ROR1: variants seen among roughly 807,000 people sequenced by gnomAD.
ROR1 encodes the protein inactive tyrosine-protein kinase transmembrane receptor ROR1.
ROR1 carries 19 observed loss-of-function variants against 78.8 expected under a neutral mutation model. That is an observed-to-expected ratio of 0.24 (90% CI 0.17 to 0.35). The LOEUF is 0.35. Among genes scored for constraint, ROR1 ranks in the 10% least tolerant of loss-of-function variants. The pLI, the probability that ROR1 is intolerant of heterozygous loss-of-function variation, is 1.00. For missense variants in ROR1, 917 were observed against 1,177.8 expected, an observed-to-expected ratio of 0.78 and a Z score of 3.24; for synonymous variants, 386 against 433.6, an observed-to-expected ratio of 0.89 and a Z score of 1.36.
chr1:64,063,215 G>A (rs1646930554), intron 4 of ROR1, among the ~76,000 whole-genome samples: 1 of 152,200 alleles, frequency 6.6e-6, no homozygotes, highest in African/African-American at 2.4e-5. Flanking sequence ...TGGAAAAAAA[G>A]TGTTATGTTA....
chr1:63,884,178 T>C (rs1409716449), intron 1 of ROR1, among the ~76,000 whole-genome samples: 3 of 152,186 alleles, frequency 2.0e-5, no homozygotes, highest in Non-Finnish European at 4.4e-5. Context: ...GTTGGACTCT[T>C]CGTACCCCTT....
rs865954177 is a variant in ROR1, at chr1:64,051,477, T to A, written c.482+761T>A. On this transcript the variant is annotated intron_variant, in intron 4 of 8. Coordinates refer to ENST00000371079, the MANE Select transcript of ROR1 (RefSeq NM_005012.4). ...AAATAAAAAATAAAATAAAATAAAATAAAATAAAATAAAATAAAATAAAAA... is the reference window on the plus strand; with the variant it reads ...AAATAAAAAATAAAATAAAATAAAAAAAAATAAAATAAAATAAAATAAAAA... Among the ~76,000 whole-genome samples, 13 of 141,200 alleles carry A rather than the reference T, an allele frequency of 9.2e-5. No individual in the cohort carries two copies. In the South Asian group the frequency reaches 1.9e-3, roughly 21 times the overall value. The allele number at this position is 141,200 out of a possible 152,430, so 92.6% of individuals were successfully genotyped here. A position where few individuals can be genotyped will look rare whatever the true frequency, so the allele number is the denominator to read the frequency against.
intron 1 of ROR1, chr1:63,789,145 G>T (rs1211084282): frequency 3.3e-6 from 2 of 599,984 alleles, no homozygotes; most frequent in Non-Finnish European, 6.5e-6. Context: ...ACAGTCATTG[G>T]CTTGCGGATC....
intron 1 of ROR1, among the ~76,000 whole-genome samples, chr1:63,798,680 G>A (rs948177039): frequency 4.5e-4 from 68 of 152,072 alleles, no homozygotes; most frequent in Non-Finnish European, 2.1e-4. Context: ...ACACATTGTG[G>A]CTATTTACTT....
At chr1:64,140,495 G>A (rs999819641) in intron 6 of ROR1, 69 bp downstream of exon 6, 3 of 1,417,992 alleles carry the variant, frequency 2.1e-6, no homozygotes, top group Non-Finnish European at 2.9e-6. Context: ...GGGAAAACTG[G>A]ACCTTGACCC....
At chr1:63,810,425 C>G (rs111461677) in intron 1 of ROR1, among the ~76,000 whole-genome samples, 1,546 of 152,246 alleles carry the variant, frequency 0.01, 26 homozygotes, top group African/African-American at 0.035. Context: ...TGTCCAGAAC[C>G]ATTGTTGAGT....
intron 1 of ROR1, among the ~76,000 whole-genome samples, chr1:63,890,892 G>A (rs528126637): frequency 8.5e-4 from 129 of 152,178 alleles, no homozygotes; most frequent in South Asian, 2.7e-3. Flanking sequence ...GAACATGCCC[G>A]TTCTCATCCA....
At chr1:64,056,801 G>A (rs1037809946) in intron 4 of ROR1, among the ~76,000 whole-genome samples, 7 of 151,940 alleles carry the variant, frequency 4.6e-5, no homozygotes, top group African/African-American at 7.3e-5. Flanking sequence ...GTGCATATTG[G>A]CCATTTATGT....
chr1:63,820,448 T>C (rs958870640), intron 1 of ROR1, among the ~76,000 whole-genome samples: 1 of 152,246 alleles, frequency 6.6e-6, no homozygotes, highest in African/African-American at 2.4e-5. Context: ...TTTTAGTTTA[T>C]GGAGGACTGT....
chr1:63,874,872 AT>A (rs145591831), intron 1 of ROR1, among the ~76,000 whole-genome samples: 2 of 151,586 alleles, frequency 1.3e-5, no homozygotes, highest in Non-Finnish European at 2.9e-5. Flanking sequence ...CATTTCATCA[AT>A]TTTTTTTTGT....
At chr1:64,088,002 G>T (rs1647167141) in intron 4 of ROR1, among the ~76,000 whole-genome samples, 1 of 152,142 alleles carries the variant, frequency 6.6e-6, no homozygotes, top group Non-Finnish European at 1.5e-5. Flanking sequence ...GCTTTCGTTG[G>T]GGATTGCTGG....
intron 1 of ROR1, among the ~76,000 whole-genome samples, chr1:63,851,901 G>A (rs1053374385): frequency 6.6e-6 from 1 of 152,244 alleles, no homozygotes; most frequent in Non-Finnish European, 1.5e-5. Context: ...AGGGAAGATG[G>A]AAGACAAGTA....
intron 1 of ROR1, among the ~76,000 whole-genome samples, chr1:63,912,280 AGAGT>A (rs896258048): frequency 6.8e-6 from 1 of 147,700 alleles, no homozygotes; most frequent in Non-Finnish European, 1.5e-5. Context: ...CCTGTTCAAC[AGAGT>A]GAGACCCTAT....
At chr1:64,070,931 T>C (rs75864800) in intron 4 of ROR1, among the ~76,000 whole-genome samples, 1,818 of 152,308 alleles carry the variant, frequency 0.012, 47 homozygotes, top group African/African-American at 0.042. Context: ...AAAGGTTTTC[T>C]GCCAAGGGGC....
chr1:64,000,099 A>T (rs544563636), intron 1 of ROR1, among the ~76,000 whole-genome samples: 54 of 152,172 alleles, frequency 3.5e-4, no homozygotes, highest in Non-Finnish European at 6.8e-4. Context: ...GAAATGGCAA[A>T]CTCCATAAGA....
intron 1 of ROR1, among the ~76,000 whole-genome samples, chr1:63,930,736 A>T (rs1170234375): frequency 1.3e-5 from 2 of 152,138 alleles, no homozygotes; most frequent in East Asian, 1.9e-4. Flanking sequence ...CTCATTAATG[A>T]CTCCTCAAAT....
intron 4 of ROR1, among the ~76,000 whole-genome samples, chr1:64,079,112 T>A (rs761601969): frequency 1.4e-4 from 21 of 152,208 alleles, no homozygotes; most frequent in Non-Finnish European, 2.8e-4. Flanking sequence ...ATGGACCTAT[T>A]CCATGCAGCT....
intron 1 of ROR1, among the ~76,000 whole-genome samples, chr1:63,876,747 T>C (rs1645288855): frequency 6.6e-6 from 1 of 151,672 alleles, no homozygotes; most frequent in Admixed American, 6.6e-5. Flanking sequence ...CTTCCTCTTC[T>C]TTTTGTCGTT....
At chr1:64,070,267 G>A (rs756256150) in intron 4 of ROR1, among the ~76,000 whole-genome samples, 2 of 152,144 alleles carry the variant, frequency 1.3e-5, no homozygotes, top group African/African-American at 2.4e-5. Context: ...GCATAGCAAT[G>A]AGGCCTGGCA....
Sources: allele counts gnomAD v4.1 joint callset (sites outside exome capture counted in the v4.1 genomes callset), GRCh38; gene constraint gnomAD v4.1.1; transcripts MANE v1.5; gene names NCBI Gene and HGNC (gene_info 2026-07-23, HGNC 2026-07-21).